CSMD3: variants seen among roughly 807,000 people sequenced by gnomAD.
The protein encoded by CSMD3 is CUB and Sushi multiple domains 3.
In CSMD3, 177 loss-of-function variants were observed where a neutral mutation model predicts 435.2. The ratio of observed to expected loss-of-function variants is 0.41; its 90% confidence interval spans 0.36 to 0.46. CSMD3 has a LOEUF of 0.46. CSMD3 is among the 20% of genes least tolerant of loss of function. The pLI, the probability that CSMD3 is intolerant of heterozygous loss-of-function variation, is 0.34. For missense variants in CSMD3, 4,265 were observed against 4,504.6 expected (o/e 0.95, Z 1.52); for synonymous variants, 1,656 against 1,520.5 (o/e 1.09, Z -2.07).
At chr8:113,197,177 G>A (rs2092666700) in intron 3 of CSMD3, among the ~76,000 whole-genome samples, 1 of 151,230 alleles carries the variant, frequency 6.6e-6, no homozygotes, top group East Asian at 1.9e-4. Context: ...GATATTGTGA[G>A]TGTAGACAAG....
intron 13 of CSMD3, among the ~76,000 whole-genome samples, chr8:112,706,212 A>C (rs2076495865): frequency 6.6e-6 from 1 of 151,998 alleles, no homozygotes; most frequent in African/African-American, 2.4e-5. Flanking sequence ...ACATTCATTC[A>C]TTCATCTATT....
In CSMD3 at chr8:113,045,172, T is replaced by TAAACA. The variant is rs891418914; in HGVS notation, c.918-25998_918-25994dup. Among the ~76,000 whole-genome samples, 12 of 149,156 alleles carry TAAACA rather than the reference T, an allele frequency of 8.0e-5. 1 individual carries two copies. The highest frequency in any genetic ancestry group is 2.9e-4 in the African/African-American group (12 of 41,240). ...TTAAATCTTGGTTAAATGAAGGGGC[T>TAAACA]AAACAAAACAAAACAAACAACAACA... On this transcript the variant is annotated intron_variant, in intron 5 of 70. Coordinates refer to ENST00000297405, the MANE Select transcript of CSMD3 (RefSeq NM_198123.2).
intron 7 of CSMD3, among the ~76,000 whole-genome samples, chr8:112,957,498 G>A (rs1240097890): frequency 6.6e-6 from 1 of 152,322 alleles, no homozygotes; most frequent in Admixed American, 6.5e-5. Flanking sequence ...CGGTCGCCCA[G>A]GCTGGAGTGC....
chr8:113,141,499 A>C (rs1363157510), intron 4 of CSMD3, among the ~76,000 whole-genome samples: 1 of 151,064 alleles, frequency 6.6e-6, no homozygotes, highest in Non-Finnish European at 1.5e-5. Context: ...ACTGGAGCAC[A>C]TTCTAGGCAT....
At chr8:113,062,591 A>G (rs1040329884) in intron 5 of CSMD3, among the ~76,000 whole-genome samples, 2 of 151,830 alleles carry the variant, frequency 1.3e-5, no homozygotes, top group African/African-American at 2.4e-5. Context: ...GAATAGGCCT[A>G]TTACTACTGC....
At chr8:112,470,864 A>C (rs1483756236) in intron 32 of CSMD3, among the ~76,000 whole-genome samples, 1 of 152,106 alleles carries the variant, frequency 6.6e-6, no homozygotes, top group Non-Finnish European at 1.5e-5. Context: ...TTTTTTACTA[A>C]TAAATCAAAG....
At chr8:112,794,921 T>C (rs1314420052) in intron 13 of CSMD3, among the ~76,000 whole-genome samples, 2 of 152,118 alleles carry the variant, frequency 1.3e-5, no homozygotes, top group East Asian at 3.8e-4. Context: ...TGGAAATTTT[T>C]CTAACAAAAT....
intron 32 of CSMD3, among the ~76,000 whole-genome samples, chr8:112,461,966 A>AT: frequency 6.6e-6 from 1 of 152,214 alleles, no homozygotes; most frequent in Non-Finnish European, 1.5e-5. Context: ...GATTTCACCT[A>AT]TTTTTTAAAC....
chr8:112,596,462 C>T (rs1028220797), intron 22 of CSMD3, among the ~76,000 whole-genome samples: 3 of 152,086 alleles, frequency 2.0e-5, no homozygotes, highest in Non-Finnish European at 4.4e-5. Flanking sequence ...ATCAACGAGA[C>T]AGAAAGTTAA....
chr8:113,030,439 A>AT (rs1310285457), intron 5 of CSMD3, among the ~76,000 whole-genome samples: 13 of 149,634 alleles, frequency 8.7e-5, no homozygotes, highest in African/African-American at 3.1e-4. Flanking sequence ...AAAAAAAAAA[A>AT]AAAAAAGATA....
chr8:112,728,027 A>G (rs1037981865), intron 13 of CSMD3, among the ~76,000 whole-genome samples: 1 of 151,964 alleles, frequency 6.6e-6, no homozygotes, highest in Non-Finnish European at 1.5e-5. Flanking sequence ...CTTTTCCAAC[A>G]GGCATTTTCT....
At chr8:112,387,718 T>G (rs999772675) in intron 36 of CSMD3, among the ~76,000 whole-genome samples, 1 of 152,190 alleles carries the variant, frequency 6.6e-6, no homozygotes, top group African/African-American at 2.4e-5. Context: ...TGAAAGATTT[T>G]AGTGTTATTC....
In CSMD3 at chr8:112,374,069, T is replaced by C. The variant is rs1018768037; in HGVS notation, c.6136+6283A>G. Among the ~76,000 whole-genome samples, 22 of 152,322 alleles carry C rather than the reference T, an allele frequency of 1.4e-4. No homozygotes were observed. In the East Asian group the frequency reaches 3.7e-3, roughly 25 times the overall value. On this transcript the variant is annotated intron_variant, in intron 38 of 70. Coordinates refer to ENST00000297405, the MANE Select transcript of CSMD3 (RefSeq NM_198123.2). ...CAGAATTTATTAGTATTTTTAATTC[T>C]GTAAGGCAATACTTAGTCTTTAAAT... is the stretch of plus-strand genomic sequence containing the variant.
At chr8:113,319,284 T>A (rs1159500065) in intron 1 of CSMD3, among the ~76,000 whole-genome samples, 2 of 152,108 alleles carry the variant, frequency 1.3e-5, no homozygotes, top group African/African-American at 4.8e-5. Context: ...TATAGTGGTT[T>A]AAATTTGCAT....
chr8:113,379,483 A>C (rs1278884228), intron 1 of CSMD3, among the ~76,000 whole-genome samples: 1 of 152,230 alleles, frequency 6.6e-6, no homozygotes, highest in Non-Finnish European at 1.5e-5. Context: ...GTGGAGGCAG[A>C]CCATGAAGAC....
chr8:112,645,025 T>C, intron 20 of CSMD3, 84 bp downstream of exon 20: 1 of 815,042 alleles, frequency 1.2e-6, no homozygotes, highest in Non-Finnish European at 2.2e-6. Context: ...TCATGCAAAA[T>C]AACATGTAAA....
At chr8:112,575,940 T>G (rs1255934205) in intron 23 of CSMD3, among the ~76,000 whole-genome samples, 1 of 152,026 alleles carries the variant, frequency 6.6e-6, no homozygotes, top group Admixed American at 6.6e-5. Flanking sequence ...CTAGATCCAG[T>G]GGATCTTATT....
In CSMD3 at chr8:112,794,285, C is replaced by CTTTTTTTTTTTTTTTTTTTT. The variant is rs1203991072; in HGVS notation, c.1972+5857_1972+5876dup. Among the ~76,000 whole-genome samples, 7 of 96,302 alleles carry CTTTTTTTTTTTTTTTTTTTT rather than the reference C, an allele frequency of 7.3e-5. 2 individuals are homozygous for CTTTTTTTTTTTTTTTTTTTT. Among genetic ancestry groups the CTTTTTTTTTTTTTTTTTTTT allele is most frequent in the African/African-American group, 1.2e-4 (3 of 25,776 alleles). 63.2% of individuals were successfully genotyped at this position (96,302 alleles called of 152,430 possible). A position where few individuals can be genotyped will look rare whatever the true frequency, so the allele number is the denominator to read the frequency against. On this transcript the variant is annotated intron_variant, in intron 13 of 70. Coordinates refer to ENST00000297405, the MANE Select transcript of CSMD3 (RefSeq NM_198123.2). ...TTGCCCCAGATGCTGGACTGATAAA[C>CTTTTTTTTTTTTTTTTTTTT]TTTTTTTTTTTTTTTTTTTTTTTTT... is the stretch of plus-strand genomic sequence containing the variant.
chr8:112,547,543 G>A (rs1827290824), intron 27 of CSMD3, among the ~76,000 whole-genome samples: 1 of 151,902 alleles, frequency 6.6e-6, no homozygotes, highest in African/African-American at 2.4e-5. Context: ...GCAAGACATT[G>A]ACTCTAAAAA....
Sources: allele counts gnomAD v4.1 joint callset (sites outside exome capture counted in the v4.1 genomes callset), GRCh38; gene constraint gnomAD v4.1.1; transcripts MANE v1.5; gene names NCBI Gene and HGNC (gene_info 2026-07-23, HGNC 2026-07-21).